NAV2: variants seen among roughly 807,000 people sequenced by gnomAD.
The protein encoded by NAV2 is helicase, APC down-regulated 1.
In NAV2, 54 loss-of-function variants were observed where a neutral mutation model predicts 223.2. The observed-to-expected ratio is 0.24, with a 90% confidence interval of 0.19 to 0.30. NAV2 has a LOEUF of 0.30. Ranked by LOEUF, NAV2 falls within the 10% of genes least tolerant of loss-of-function variation. The probability of loss-of-function intolerance (pLI) is 1.00; values close to 1 mark genes in which losing one functional copy is unlikely to be tolerated. For missense variants in NAV2, 2,806 were observed against 3,147.5 expected, an observed-to-expected ratio of 0.89 and a Z score of 2.60; for synonymous variants, 1,279 against 1,239.3, an observed-to-expected ratio of 1.03 and a Z score of -0.67.
intron 3 of NAV2, among the ~76,000 whole-genome samples, chr11:19,843,232 G>A (rs535293622): frequency 7.9e-5 from 12 of 152,318 alleles, no homozygotes; most frequent in South Asian, 2.1e-4. Flanking sequence ...GCTGTGGCTC[G>A]TTCTGCTTCC....
chr11:19,386,692 G>C (rs1018443264), intron 1 of NAV2, among the ~76,000 whole-genome samples: 2 of 99,188 alleles, frequency 2.0e-5, no homozygotes, highest in African/African-American at 3.6e-5. Context: ...GTTTGGTAGA[G>C]AGAAAATGTG....
chr11:19,759,684 T>G (rs929641708), intron 1 of NAV2, among the ~76,000 whole-genome samples: 1 of 152,166 alleles, frequency 6.6e-6, no homozygotes, highest in Admixed American at 6.5e-5. Context: ...GGCAAATTGC[T>G]TTAAGTCTCT....
intron 11 of NAV2, among the ~76,000 whole-genome samples, chr11:20,003,753 C>G (rs771274079): frequency 1.4e-4 from 21 of 152,186 alleles, no homozygotes; most frequent in Non-Finnish European, 2.2e-4. Flanking sequence ...CAGACCAGGG[C>G]TGTGGGCATG....
intron 1 of NAV2, among the ~76,000 whole-genome samples, chr11:19,828,600 C>G (rs553514612): frequency 1.3e-5 from 2 of 152,384 alleles, no homozygotes; most frequent in East Asian, 3.9e-4. Flanking sequence ...GTGATCCCCC[C>G]ACGTCAGCCT....
intron 6 of NAV2, among the ~76,000 whole-genome samples, chr11:19,914,301 A>G (rs991764043): frequency 6.6e-6 from 1 of 152,174 alleles, no homozygotes; most frequent in Non-Finnish European, 1.5e-5. Context: ...GTGGTGTCAC[A>G]TTACTGTCGG....
chr11:20,035,721 C>T (rs960415302), intron 11 of NAV2, among the ~76,000 whole-genome samples: 1 of 152,190 alleles, frequency 6.6e-6, no homozygotes, highest in Non-Finnish European at 1.5e-5. Flanking sequence ...TGTAGCCACC[C>T]CTGCTATGGA....
chr11:20,058,881 C>T (rs935817433), intron 19 of NAV2, among the ~76,000 whole-genome samples: 1 of 152,162 alleles, frequency 6.6e-6, no homozygotes, highest in East Asian at 1.9e-4. Context: ...AGTGCTCACT[C>T]AATGGTAGCT....
chr11:20,021,283 G>A (rs899167787), intron 11 of NAV2, among the ~76,000 whole-genome samples: 4 of 152,168 alleles, frequency 2.6e-5, no homozygotes, highest in African/African-American at 9.7e-5. Context: ...ACTTAGAACA[G>A]CACTTGCCAC....
At chr11:19,827,769 A>G (rs1001567117) in intron 1 of NAV2, among the ~76,000 whole-genome samples, 7 of 152,240 alleles carry the variant, frequency 4.6e-5, no homozygotes, top group African/African-American at 9.6e-5. Context: ...CTTAATTAGC[A>G]TAATACTGAA....
intron 1 of NAV2, among the ~76,000 whole-genome samples, chr11:19,688,650 A>G (rs144828167): frequency 1.3e-5 from 2 of 152,220 alleles, no homozygotes; most frequent in African/African-American, 2.4e-5. Flanking sequence ...TGCTCTGTGC[A>G]CCAGTCACTC....
rs577681989 is a variant in NAV2, at chr11:20,121,566, T to A, written c.*3308T>A. ...GATGATTGTACCAGTCTTAAATTAT[T>A]CATGATTCAATAAAATTGATGCTTA... is the stretch of plus-strand genomic sequence containing the variant. On this transcript the variant is annotated 3_prime_UTR_variant, in exon 38 of 38. Coordinates refer to ENST00000349880, the MANE Select transcript of NAV2 (RefSeq NM_145117.5). 1.5e-4 allele frequency: 23 copies of A among 152,796 alleles called. No homozygotes were observed. The South Asian group carries it at 2.7e-3, about 18-fold the overall frequency. 9.5% of individuals were successfully genotyped at this position (152,796 alleles called of 1,614,324 possible).
chr11:19,810,289 G>A (rs1005822220), intron 1 of NAV2, among the ~76,000 whole-genome samples: 3 of 152,110 alleles, frequency 2.0e-5, no homozygotes, highest in Non-Finnish European at 4.4e-5. Flanking sequence ...TTTTGGAGTG[G>A]GGATATATGC....
At chr11:19,910,241 T>A (rs1233667951) in intron 6 of NAV2, among the ~76,000 whole-genome samples, 1 of 152,238 alleles carries the variant, frequency 6.6e-6, no homozygotes, top group Admixed American at 6.5e-5. Context: ...ATTTTGCTTT[T>A]AACCCTCATG....
chr11:19,599,425 G>T (rs1389737505), intron 1 of NAV2, among the ~76,000 whole-genome samples: 3 of 152,144 alleles, frequency 2.0e-5, no homozygotes, highest in African/African-American at 7.2e-5. Context: ...GTGTTTGGAG[G>T]TTCATTTGGA....
At chr11:19,810,288 G>A (rs141360912) in intron 1 of NAV2, among the ~76,000 whole-genome samples, 1 of 152,276 alleles carries the variant, frequency 6.6e-6, no homozygotes, top group African/African-American at 2.4e-5. Flanking sequence ...GTTTTGGAGT[G>A]GGGATATATG....
intron 1 of NAV2, among the ~76,000 whole-genome samples, chr11:19,382,749 G>C (rs1848892170): frequency 6.6e-6 from 1 of 152,124 alleles, no homozygotes; most frequent in African/African-American, 2.4e-5. Flanking sequence ...ACCTCATATA[G>C]CTTCCATTAT....
intron 3 of NAV2, among the ~76,000 whole-genome samples, chr11:19,852,902 C>G (rs1316799558): frequency 6.6e-6 from 1 of 152,170 alleles, no homozygotes; most frequent in African/African-American, 2.4e-5. Context: ...ATTTTGAGCG[C>G]ACTGTGTAAG....
chr11:19,712,193 A>G (rs2152309529), upstream of NAV2: 1 of 152,272 alleles, frequency 6.6e-6, no homozygotes, highest in Non-Finnish European at 1.5e-5. Flanking sequence ...CGGCTTCTTC[A>G]GGCCACTCTA....
chr11:19,696,618 T>C (rs2049350216), intron 1 of NAV2, among the ~76,000 whole-genome samples: 1 of 152,210 alleles, frequency 6.6e-6, no homozygotes, highest in South Asian at 2.1e-4. Flanking sequence ...TGGTTTGAAA[T>C]TGGTTCTTGA....
Sources: gnomAD v4.1 joint callset for allele counts (sites outside exome capture counted in the v4.1 genomes callset) on GRCh38, gnomAD v4.1.1 for gene constraint, MANE v1.5 for transcripts, NCBI Gene and HGNC (gene_info 2026-07-23, HGNC 2026-07-21) for gene names.